Variants in DPP10 observed in about 807,000 individuals in gnomAD.
DPP10 encodes the protein inactive dipeptidyl peptidase 10.
A neutral mutation model predicts 120.9 loss-of-function variants in DPP10; 33 were observed. The observed-to-expected ratio is 0.27, with a 90% CI of 0.21 to 0.37. The LOEUF is 0.37. Ranked by LOEUF, DPP10 falls within the 10% of genes least tolerant of loss-of-function variation. The pLI, the probability that DPP10 is intolerant of heterozygous loss-of-function variation, is 1.00. For synonymous variants in DPP10, 337 were observed against 326.1 expected (o/e 1.03, Z -0.36); for missense variants, 816 against 942.8 (o/e 0.87, Z 1.76).
intron 1 of DPP10, among the ~76,000 whole-genome samples, chr2:115,229,625 T>C (rs1016856629): frequency 8.6e-5 from 13 of 151,986 alleles, no homozygotes; most frequent in Admixed American, 5.2e-4. Context: ...ATTGAAGAGA[T>C]TGTTCTTAGG....
chr2:115,275,114 A>G (rs894782725), intron 1 of DPP10, among the ~76,000 whole-genome samples: 6 of 152,228 alleles, frequency 3.9e-5, no homozygotes, highest in Non-Finnish European at 7.3e-5. Context: ...ATGAATTTTA[A>G]CAGCCACCTA....
At chr2:114,687,619 G>A (rs1445373595) in intron 1 of DPP10, among the ~76,000 whole-genome samples, 1 of 151,908 alleles carries the variant, frequency 6.6e-6, no homozygotes, top group Non-Finnish European at 1.5e-5. Flanking sequence ...TCCTAGATTG[G>A]ATACTAAGAA....
chr2:115,545,115 A>G (rs948492382), intron 5 of DPP10, among the ~76,000 whole-genome samples: 2 of 152,064 alleles, frequency 1.3e-5, no homozygotes, highest in African/African-American at 4.8e-5. Context: ...CCTAGATGAT[A>G]TGTTTCCAAA....
intron 1 of DPP10, among the ~76,000 whole-genome samples, chr2:114,600,578 AT>A (rs1298179914): frequency 6.6e-6 from 1 of 151,832 alleles, no homozygotes. Context: ...AAGGTACTTT[AT>A]TATCATTGGA....
intron 4 of DPP10, among the ~76,000 whole-genome samples, chr2:115,512,702 A>C (rs1335176357): frequency 1.3e-5 from 2 of 152,046 alleles, no homozygotes; most frequent in Admixed American, 1.3e-4. Context: ...TGAATTTCCC[A>C]AATTGCCTTC....
At chr2:115,384,166 A>G (rs1014501932) in intron 3 of DPP10, among the ~76,000 whole-genome samples, 1 of 152,060 alleles carries the variant, frequency 6.6e-6, no homozygotes, top group African/African-American at 2.4e-5. Flanking sequence ...TTCTCCCTCA[A>G]AGAAAGTCAT....
intron 7 of DPP10, among the ~76,000 whole-genome samples, chr2:115,690,616 T>C (rs1161247847): frequency 6.6e-6 from 1 of 152,154 alleles, no homozygotes; most frequent in Non-Finnish European, 1.5e-5. Context: ...TTTTACCATG[T>C]TGGCCAGGCT....
At chr2:115,707,216 G>T (rs35362206) in intron 7 of DPP10, among the ~76,000 whole-genome samples, 18,438 of 151,730 alleles carry the variant, frequency 0.12, 1,337 homozygotes, top group Non-Finnish European at 0.16. Flanking sequence ...AATCAGTAGG[G>T]TATAAAAGGT....
At chr2:115,207,416 CAAAAAA>C (rs57462947) in intron 1 of DPP10, among the ~76,000 whole-genome samples, 3,554 of 51,562 alleles carry the variant, frequency 0.069, 26 homozygotes, top group Non-Finnish European at 0.1. Context: ...CTTACTGCAC[CAAAAAA>C]AAAAAAAAAA....
intron 1 of DPP10, among the ~76,000 whole-genome samples, chr2:114,709,770 A>G (rs1574015931): frequency 1.3e-5 from 2 of 152,288 alleles, no homozygotes; most frequent in South Asian, 2.1e-4. Flanking sequence ...AATACGTTCT[A>G]ATAAGATTTT....
At chr2:115,193,789 A>G (rs566014188) in intron 1 of DPP10, among the ~76,000 whole-genome samples, 1 of 152,332 alleles carries the variant, frequency 6.6e-6, no homozygotes, top group East Asian at 1.9e-4. Context: ...GAGTTTCTCT[A>G]TCAATTATTG....
At chr2:115,137,462 C>A (rs1475102033) in intron 1 of DPP10, among the ~76,000 whole-genome samples, 1 of 152,124 alleles carries the variant, frequency 6.6e-6, no homozygotes, top group Non-Finnish European at 1.5e-5. Context: ...AACTATCCAC[C>A]CTGCAGAGGA....
chr2:114,901,403 A>G (rs865906577), intron 1 of DPP10, among the ~76,000 whole-genome samples: 5 of 152,174 alleles, frequency 3.3e-5, no homozygotes, highest in South Asian at 2.1e-4. Context: ...TCACCTTGTT[A>G]GCCAGGATGG....
chr2:114,917,001 TC>T (rs1175631931), intron 1 of DPP10, among the ~76,000 whole-genome samples: 2 of 152,142 alleles, frequency 1.3e-5, no homozygotes, highest in Non-Finnish European at 2.9e-5. Context: ...GTAAAAGTCA[TC>T]CGAATAGGAA....
At chr2:115,814,438 A>G (rs1360209413) in intron 19 of DPP10, among the ~76,000 whole-genome samples, 1 of 152,206 alleles carries the variant, frequency 6.6e-6, no homozygotes, top group Non-Finnish European at 1.5e-5. Flanking sequence ...GAAATCCAGT[A>G]AAGATAGACT....
chr2:115,100,459 AACACACAC>A (rs142076600), intron 1 of DPP10, among the ~76,000 whole-genome samples: 10 of 150,370 alleles, frequency 6.7e-5, no homozygotes, highest in Non-Finnish European at 1.2e-4. Context: ...TAAATTAAAA[AACACACAC>A]ACACACACAC....
intron 21 of DPP10, among the ~76,000 whole-genome samples, chr2:115,817,066 G>C (rs1277823829): frequency 6.6e-6 from 1 of 150,502 alleles, no homozygotes; most frequent in East Asian, 2.1e-4. Context: ...GGCTAACACG[G>C]TGAAACCCCG....
At chr2:115,171,068 A>T (rs536251098) in intron 1 of DPP10, among the ~76,000 whole-genome samples, 2 of 152,074 alleles carry the variant, frequency 1.3e-5, no homozygotes, top group Non-Finnish European at 2.9e-5. Context: ...GAGAAAGAAT[A>T]CTTTGATATT....
At chr2:115,360,602 ACT>A (rs1280088313) in intron 3 of DPP10, among the ~76,000 whole-genome samples, 1 of 151,814 alleles carries the variant, frequency 6.6e-6, no homozygotes, top group Non-Finnish European at 1.5e-5. Context: ...TCAGGGGATG[ACT>A]CTCTCACCAA....
Sources: gnomAD v4.1 joint callset for allele counts (sites outside exome capture counted in the v4.1 genomes callset) on GRCh38, gnomAD v4.1.1 for gene constraint, MANE v1.5 for transcripts, NCBI Gene and HGNC (gene_info 2026-07-23, HGNC 2026-07-21) for gene names.